RASAL2: variants seen among roughly 807,000 people sequenced by gnomAD.
RASAL2 encodes ras GTPase-activating protein nGAP.
Under a neutral mutation model 128.9 loss-of-function variants are expected in RASAL2, and 58 were observed. The observed-to-expected ratio is 0.45, with a 90% CI of 0.36 to 0.56. The LOEUF (loss-of-function observed/expected upper bound fraction) is 0.56. Among genes scored for constraint, RASAL2 ranks in the 20% least tolerant of loss-of-function variants. The probability of loss-of-function intolerance (pLI) is 0.00; values close to 1 mark genes in which losing one functional copy is unlikely to be tolerated. For synonymous variants in RASAL2, 561 were observed against 580.8 expected (o/e 0.97, Z 0.49); for missense variants, 1,360 against 1,601.6 (o/e 0.85, Z 2.57).
At chr1:178,182,934 G>C (rs1038598878) in intron 1 of RASAL2, among the ~76,000 whole-genome samples, 4 of 152,154 alleles carry the variant, frequency 2.6e-5, no homozygotes, top group Non-Finnish European at 4.4e-5. Flanking sequence ...CTTGTAAGGA[G>C]TGTGCAGCCT....
intron 1 of RASAL2, among the ~76,000 whole-genome samples, chr1:178,253,457 ATTTT>A (rs1262687456): frequency 6.6e-6 from 1 of 151,966 alleles, no homozygotes; most frequent in East Asian, 1.9e-4. Flanking sequence ...TATATTTGAG[ATTTT>A]TTTGAGTCAA....
At chr1:178,436,345 T>C (rs1053428693) in intron 5 of RASAL2, among the ~76,000 whole-genome samples, 4 of 152,062 alleles carry the variant, frequency 2.6e-5, no homozygotes, top group African/African-American at 9.6e-5. Flanking sequence ...CATTCTGAAC[T>C]ATGTATTAAT....
At chr1:178,407,041 A>T (rs1237800167) in intron 4 of RASAL2, among the ~76,000 whole-genome samples, 1 of 152,182 alleles carries the variant, frequency 6.6e-6, no homozygotes, top group Non-Finnish European at 1.5e-5. Context: ...AGATTCCGAT[A>T]TATCAGATCT....
intron 1 of RASAL2, among the ~76,000 whole-genome samples, chr1:178,250,022 A>G (rs1412518542): frequency 2.0e-5 from 3 of 152,154 alleles, no homozygotes; most frequent in Admixed American, 2.0e-4. Context: ...TCTCCCACTC[A>G]GGAGGCTTGG....
chr1:178,173,415 T>C (rs1661772073), intron 1 of RASAL2, among the ~76,000 whole-genome samples: 1 of 152,150 alleles, frequency 6.6e-6, no homozygotes, highest in African/African-American at 2.4e-5. Flanking sequence ...CATTGTAATG[T>C]ACATCTAAAT....
chr1:178,099,417 A>T (rs943237486), intron 1 of RASAL2, among the ~76,000 whole-genome samples: 2 of 152,232 alleles, frequency 1.3e-5, no homozygotes, highest in African/African-American at 4.8e-5. Context: ...TGTTTAAGTG[A>T]CTTTAAATAG....
At chr1:178,105,227 A>G (rs940072213) in intron 1 of RASAL2, among the ~76,000 whole-genome samples, 9 of 152,214 alleles carry the variant, frequency 5.9e-5, no homozygotes, top group Non-Finnish European at 1.3e-4. Context: ...TGATTAAAGT[A>G]ATTTAAAATC....
intron 1 of RASAL2, among the ~76,000 whole-genome samples, chr1:178,209,614 A>G (rs185785333): frequency 3.6e-4 from 54 of 151,988 alleles, no homozygotes; most frequent in African/African-American, 1.3e-3. Flanking sequence ...TTTTTAATTC[A>G]TGGGCTTTTA....
At chr1:178,424,685 C>G (rs573175409) in intron 5 of RASAL2, among the ~76,000 whole-genome samples, 77 of 152,236 alleles carry the variant, frequency 5.1e-4, no homozygotes, top group African/African-American at 1.7e-3. Flanking sequence ...TGGTCTCAAA[C>G]TCCTGGGCTC....
intron 1 of RASAL2, among the ~76,000 whole-genome samples, chr1:178,165,461 T>A (rs754235124): frequency 3.3e-5 from 5 of 152,176 alleles, no homozygotes; most frequent in Non-Finnish European, 7.4e-5. Flanking sequence ...CAAGAGGATG[T>A]GCATAGGTTA....
chr1:178,341,613 G>A (rs1213993742), intron 3 of RASAL2: 14 of 1,613,932 alleles, frequency 8.7e-6, no homozygotes, highest in Non-Finnish European at 1.2e-5. Flanking sequence ...CCCCAGGTAA[G>A]AGTTTGTAGA....
At chr1:178,183,813 G>A (rs896277653) in intron 1 of RASAL2, among the ~76,000 whole-genome samples, 5 of 152,216 alleles carry the variant, frequency 3.3e-5, no homozygotes, top group African/African-American at 1.2e-4. Context: ...TCAGACAGTT[G>A]TGTAAATACC....
chr1:178,439,255 CA>C (rs891573255), intron 5 of RASAL2, among the ~76,000 whole-genome samples, 166 bp from the exon 6 acceptor site: 1 of 152,024 alleles, frequency 6.6e-6, no homozygotes, highest in African/African-American at 2.4e-5. Flanking sequence ...ATATTTGCCA[CA>C]TAAATATGAT....
intron 1 of RASAL2, among the ~76,000 whole-genome samples, chr1:178,262,069 C>A (rs1470429686): frequency 6.6e-6 from 1 of 151,920 alleles, no homozygotes; most frequent in African/African-American, 2.4e-5. Flanking sequence ...TTTTTGGTGT[C>A]ATTATATTAA....
intron 1 of RASAL2, among the ~76,000 whole-genome samples, chr1:178,118,367 A>G (rs1007869978): frequency 1.2e-4 from 18 of 152,106 alleles, no homozygotes; most frequent in Admixed American, 6.6e-5. Flanking sequence ...TAATGAAATA[A>G]TTATACAACT....
chr1:178,466,302 A>G (rs149534453), intron 16 of RASAL2, among the ~76,000 whole-genome samples, 180 bp downstream of exon 16: 58 of 152,366 alleles, frequency 3.8e-4, no homozygotes, highest in African/African-American at 1.2e-3. Flanking sequence ...GGCACTTCCT[A>G]TGAAGATAAT....
At chr1:178,209,036 CTTA>C (rs919024101) in intron 1 of RASAL2, among the ~76,000 whole-genome samples, 1 of 151,722 alleles carries the variant, frequency 6.6e-6, no homozygotes, top group African/African-American at 2.4e-5. Flanking sequence ...TCTGGTGCAT[CTTA>C]TTCAATTTTT....
chr1:178,182,779 A>G (rs766919218), intron 1 of RASAL2, among the ~76,000 whole-genome samples: 3 of 150,944 alleles, frequency 2.0e-5, no homozygotes, highest in Non-Finnish European at 4.4e-5. Context: ...CCTTTGGGAA[A>G]CAGCTTCATC....
chr1:178,467,546 C>T (rs1254371144), intron 17 of RASAL2, 125 bp downstream of exon 17: 1 of 710,364 alleles, frequency 1.4e-6, no homozygotes, highest in African/African-American at 1.8e-5. Flanking sequence ...CTAGACGCTA[C>T]ATTTTGAAGA....
Sources: allele counts gnomAD v4.1 joint callset (sites outside exome capture counted in the v4.1 genomes callset), GRCh38; gene constraint gnomAD v4.1.1; transcripts MANE v1.5; gene names NCBI Gene and HGNC (gene_info 2026-07-23, HGNC 2026-07-21).